ZFP82: variants seen among roughly 807,000 people sequenced by gnomAD.
ZFP82 encodes the protein zinc finger protein 82 homolog.
In ZFP82, 30 loss-of-function variants were observed where a neutral mutation model predicts 54.0. The observed-to-expected ratio is 0.56, with a 90% CI of 0.42 to 0.75. The LOEUF (loss-of-function observed/expected upper bound fraction) is 0.75. Ranked by LOEUF, ZFP82 falls within the 30% of genes least tolerant of loss-of-function variation. ZFP82 has a pLI of 0.00. For synonymous variants in ZFP82, 194 were observed against 209.5 expected (o/e 0.93, Z 0.64); for missense variants, 500 against 636.8 (o/e 0.79, Z 2.31).
chr19:36,408,002 C>T lies in ZFP82; in HGVS notation c.21G>A (p.Met7Ile), dbSNP rs767804608. 8 of 1,613,240 alleles carry T rather than the reference C, an allele frequency of 5.0e-6. No homozygotes were observed. The highest frequency in any genetic ancestry group is 6.8e-6 in the Non-Finnish European group (8 of 1,179,698). Residue 7 changes from methionine (M) to isoleucine (I), a missense_variant, in exon 3 of 5, where the codon ATG becomes ATA. Met to Ile is a conservative substitution (Grantham distance 10, BLOSUM62 1). Transcript: ENST00000392161. MALRSV[M>I]FSDVSIDFSP... ...AGAAGTCTATGGATACATCACTGAACATCACTGATCGCTGAAATGACAAAC... is the reference window on the plus strand; with the variant it reads ...AGAAGTCTATGGATACATCACTGAATATCACTGATCGCTGAAATGACAAAC...
At chr19:36,386,018 C>G (rs1052357548), downstream of ZFP82, among the ~76,000 whole-genome samples, 5 of 152,154 alleles carry the variant, frequency 3.3e-5, no homozygotes, top group African/African-American at 1.2e-4. Flanking sequence ...GAGTGCAAAC[C>G]AAGGTTGTAT....
chr19:36,410,414 T>G (rs908862491), intron 1 of ZFP82, among the ~76,000 whole-genome samples: 2 of 149,902 alleles, frequency 1.3e-5, no homozygotes, highest in Non-Finnish European at 3.0e-5. Flanking sequence ...AATTCCAGTA[T>G]GTTGGGTGTT....
rs1010936434 is a variant in ZFP82 at position 36,392,347 on chromosome 19, G to C, written c.*394C>G. On this transcript the variant is annotated 3_prime_UTR_variant, in exon 5 of 5. Coordinates refer to ENST00000392161, the MANE Select transcript of ZFP82 (RefSeq NM_133466.4). ...GTACGTCTACCATATTCTACTGGGC[G>C]AAGCAGTCACAGAGGGATGTAGATT... 1 of 165,012 alleles carries C rather than the reference G, an allele frequency of 6.1e-6. No homozygotes were observed. The highest frequency in any genetic ancestry group is 5.9e-5 in the Admixed American group (1 of 16,992). The allele number at this position is 165,012 out of a possible 1,614,324, so 10.2% of individuals were successfully genotyped here.
chr19:36,408,839 G>T (rs941982758), intron 2 of ZFP82, among the ~76,000 whole-genome samples: 2 of 151,794 alleles, frequency 1.3e-5, no homozygotes, highest in Non-Finnish European at 2.9e-5. Context: ...AACAAAAATT[G>T]GTTATATAAT....
At position 36,409,833 on chromosome 19, in the gene ZFP82, T is replaced by G. The variant is rs1356789719; in HGVS notation, c.-44A>C. On this transcript the variant is annotated 5_prime_UTR_variant, in exon 2 of 5. Transcript: ENST00000392161. ...CTGGTCAGTCCTCCTTGGGGTTTACTTGCCAGGAGAAGCACCGAGTCCACA... is the reference window on the plus strand; with the variant it reads ...CTGGTCAGTCCTCCTTGGGGTTTACGTGCCAGGAGAAGCACCGAGTCCACA... 6.2e-7 allele frequency: 1 copy of G among 1,612,980 alleles called. No homozygotes were observed. The highest frequency in any genetic ancestry group is 8.5e-7 in the Non-Finnish European group (1 of 1,179,240).
chr19:36,400,220 A>G (rs1414780753), intron 4 of ZFP82, among the ~76,000 whole-genome samples: 2 of 152,218 alleles, frequency 1.3e-5, no homozygotes, highest in Non-Finnish European at 2.9e-5. Flanking sequence ...CATAAATGTG[A>G]TTCCTCTTTG....
In ZFP82 at chr19:36,392,892, C is replaced by A. The variant is rs1203516359; in HGVS notation, c.1448G>T (p.Cys483Phe). 6.2e-7 allele frequency: 1 copy of A among 1,613,936 alleles called. No homozygotes were observed. Among genetic ancestry groups the A allele is most frequent in the Non-Finnish European group, 8.5e-7 (1 of 1,179,944 alleles). ...TGEKPFECKECRKAFRLNSSL... is the reference protein window; with the variant it reads ...TGEKPFECKEFRKAFRLNSSL... ...TGAATTAAGTCTAAAGGCCTTCCTACATTCCTTACACTCAAAGGGTTTTTC... is the reference window on the plus strand; with the variant it reads ...TGAATTAAGTCTAAAGGCCTTCCTAAATTCCTTACACTCAAAGGGTTTTTC... The change falls in exon 5 of 5, where the codon TGT becomes TTT. Residue 483 changes from cysteine (C) to phenylalanine (F), a missense_variant. Coordinates refer to ENST00000392161, the MANE Select transcript of ZFP82 (RefSeq NM_133466.4).
intron 1 of ZFP82, among the ~76,000 whole-genome samples, chr19:36,415,532 C>A (rs886583467): frequency 1.5e-4 from 23 of 152,204 alleles, no homozygotes; most frequent in African/African-American, 5.3e-4. Flanking sequence ...GGATTACAGG[C>A]AGGCGCCACT....
rs928091021 is a variant in ZFP82 at position 36,391,787 on chromosome 19, G to A, written c.*954C>T. ...TGGTCTAGGGTATCTGTTTTTTAAT[G>A]AACAAACTGGAAAGGAATTCCTTAC... On this transcript the variant is annotated 3_prime_UTR_variant, in exon 5 of 5. Coordinates refer to ENST00000392161, the MANE Select transcript of ZFP82 (RefSeq NM_133466.4). 2 of 152,050 alleles carry A rather than the reference G, an allele frequency of 1.3e-5. No individual in the cohort carries two copies. Among genetic ancestry groups the A allele is most frequent in the African/African-American group, 4.8e-5 (2 of 41,400 alleles). 9.4% of individuals were successfully genotyped at this position (152,050 alleles called of 1,614,324 possible). A position where few individuals can be genotyped will look rare whatever the true frequency, so the allele number is the denominator to read the frequency against.
rs1409815543 is a variant in ZFP82 at position 36,418,474 on chromosome 19, T to G, written c.-79+18A>C. ...GCGGGCTCCCGCCCCTCTGCGATAC[T>G]GCAGTGGCCCCGCTTACCTCTCTTT... On this transcript the variant is annotated intron_variant, in intron 1 of 4. Transcript: ENST00000392161. 6.6e-6 allele frequency: 1 copy of G among 152,362 alleles called. No homozygotes were observed. Among genetic ancestry groups the G allele is most frequent in the African/African-American group, 2.4e-5 (1 of 41,430 alleles). The allele number at this position is 152,362 out of a possible 1,614,324, so 9.4% of individuals were successfully genotyped here. A position where few individuals can be genotyped will look rare whatever the true frequency, so the allele number is the denominator to read the frequency against.
intron 1 of ZFP82, among the ~76,000 whole-genome samples, chr19:36,412,941 T>C (rs2032604686): frequency 1.3e-5 from 2 of 152,232 alleles, no homozygotes; most frequent in African/African-American, 4.8e-5. Flanking sequence ...AATGTAAGGA[T>C]ATCAACCATG....
intron 4 of ZFP82, 179 bp from the exon 5 acceptor site, chr19:36,394,289 C>T (rs551674528): frequency 1.5e-4 from 90 of 594,734 alleles, no homozygotes; most frequent in Non-Finnish European, 2.1e-4. Context: ...AGAGTTCATA[C>T]AAAATAGCAA....
intron 1 of ZFP82, among the ~76,000 whole-genome samples, chr19:36,413,830 T>A (rs890717783): frequency 6.6e-6 from 1 of 152,146 alleles, no homozygotes; most frequent in Non-Finnish European, 1.5e-5. Flanking sequence ...AATGGCTTAC[T>A]GTAAGCACTA....
chr19:36,418,166 C>T (rs1469363049), intron 1 of ZFP82, among the ~76,000 whole-genome samples: 2 of 152,044 alleles, frequency 1.3e-5, no homozygotes, highest in Non-Finnish European at 1.5e-5. Context: ...GATCCTCCCG[C>T]CTCGCTCTCC....
chr19:36,410,435 G>GTA lies in ZFP82; in HGVS notation c.-78-569_-78-568insTA, dbSNP rs879817707. ...AGTATGTTGGGTGTTATATATGTAT[G>GTA]TGTGTGTGTGTGTGTATATGTGTGT... On this transcript the variant is annotated intron_variant, in intron 1 of 4. Transcript: ENST00000392161. 0.011 allele frequency among the ~76,000 whole-genome samples: 1,354 copies of GTA among 124,020 alleles called. 31 individuals carry two copies. In the East Asian group the frequency reaches 0.11, roughly 10 times the overall value. 81.4% of individuals were successfully genotyped at this position (124,020 alleles called of 152,430 possible). A position where few individuals can be genotyped will look rare whatever the true frequency, so the allele number is the denominator to read the frequency against.
chr19:36,398,827 G>A (rs2032339629), intron 4 of ZFP82, among the ~76,000 whole-genome samples: 1 of 151,946 alleles, frequency 6.6e-6, no homozygotes, highest in South Asian at 2.1e-4. Context: ...TTTTAAAAAA[G>A]CTCAGTGAAA....
At chr19:36,388,478 T>C (rs2032141007), downstream of ZFP82, among the ~76,000 whole-genome samples, 4 of 152,164 alleles carry the variant, frequency 2.6e-5, no homozygotes, top group South Asian at 8.3e-4. Context: ...GGGTTTTTTT[T>C]TGGTATCTGG....
At chr19:36,397,499 T>G (rs541634322) in intron 4 of ZFP82, among the ~76,000 whole-genome samples, 6 of 152,202 alleles carry the variant, frequency 3.9e-5, no homozygotes, top group Admixed American at 2.0e-4. Context: ...AAAATGATCA[T>G]GAATACAGAG....
chr19:36,385,609 C>G (rs118152117), downstream of ZFP82, among the ~76,000 whole-genome samples: 1,625 of 152,160 alleles, frequency 0.011, 19 homozygotes, highest in Non-Finnish European at 0.015. Context: ...AAGTCTGAAA[C>G]TTTTTAGAGA....
Sources: gnomAD v4.1 joint callset for allele counts (sites outside exome capture counted in the v4.1 genomes callset) on GRCh38, gnomAD v4.1.1 for gene constraint, MANE v1.5 for transcripts, NCBI Gene and HGNC (gene_info 2026-07-23, HGNC 2026-07-21) for gene names.